Variants in DYNC2I1 observed in about 807,000 individuals in gnomAD.
DYNC2I1 encodes cytoplasmic dynein 2 intermediate chain 1.
Under a neutral mutation model 133.4 loss-of-function variants are expected in DYNC2I1, and 89 were observed. The observed-to-expected ratio is 0.67, with a 90% CI of 0.56 to 0.80. The LOEUF is 0.80. Ranked by LOEUF, DYNC2I1 falls within the 30% of genes least tolerant of loss-of-function variation. The pLI is 0.00. For missense variants in DYNC2I1, 1,291 were observed against 1,314.5 expected, an observed-to-expected ratio of 0.98 and a Z score of 0.28; for synonymous variants, 504 against 484.3, an observed-to-expected ratio of 1.04 and a Z score of -0.54.
chr7:158,861,738 A>T (rs1841885473), intron 1 of DYNC2I1, among the ~76,000 whole-genome samples: 2 of 152,212 alleles, frequency 1.3e-5, no homozygotes, highest in African/African-American at 4.8e-5. Context: ...TGTTAGAAGC[A>T]GCCTGTGTGG....
intron 7 of DYNC2I1, 88 bp from the exon 8 acceptor site, chr7:158,891,177 G>T (rs534025874): frequency 8.6e-5 from 126 of 1,460,248 alleles, no homozygotes; most frequent in Middle Eastern, 8.2e-4. Flanking sequence ...GGCGGGCTCC[G>T]CAGTGGTGGG....
rs35170585 is a variant in DYNC2I1 at position 158,875,091 on chromosome 7, C to CTTT, written c.491-1500_491-1498dup. On this transcript the variant is annotated intron_variant, in intron 3 of 24. Transcript: ENST00000407559. Reference sequence around the variant, plus strand: ...AGAGTGCTCAGTGCTTGGTAAATGCCTTTTTTTTTTTTTTTTTTTTCTGAG... The same window carrying CTTT: ...AGAGTGCTCAGTGCTTGGTAAATGCCTTTTTTTTTTTTTTTTTTTTTTTCTGAG... Among the ~76,000 whole-genome samples the CTTT allele has an allele frequency of 4.1e-3, 449 of 110,552 alleles. 21 individuals are homozygous for CTTT. The highest frequency in any genetic ancestry group is 0.031 in the East Asian group (113 of 3,668). The allele number at this position is 110,552 out of a possible 152,430, so 72.5% of individuals were successfully genotyped here.
chr7:158,914,991 G>GTAA (rs1363476394), intron 14 of DYNC2I1, among the ~76,000 whole-genome samples: 3 of 152,244 alleles, frequency 2.0e-5, no homozygotes, highest in Non-Finnish European at 4.4e-5. Context: ...TTTCTTGTAT[G>GTAA]TAAGCTCAGC....
At chr7:158,908,757 C>G (rs748362830) in intron 11 of DYNC2I1, among the ~76,000 whole-genome samples, 1 of 152,110 alleles carries the variant, frequency 6.6e-6, no homozygotes, top group South Asian at 2.1e-4. Flanking sequence ...GCTGGGCGGT[C>G]GGGAGCTGGA....
the DYNC2I1 span, among the ~76,000 whole-genome samples, chr7:158,851,340 C>T: frequency 6.6e-6 from 1 of 152,014 alleles, no homozygotes; most frequent in Non-Finnish European, 1.5e-5. Flanking sequence ...CAAGACCAGC[C>T]TGGGCAACAT....
chr7:158,860,110 C>T (rs1000191744), intron 1 of DYNC2I1, among the ~76,000 whole-genome samples: 2 of 150,730 alleles, frequency 1.3e-5, no homozygotes, highest in Admixed American at 6.6e-5. Flanking sequence ...GGCTGGAGTG[C>T]AGTGGTATGA....
intron 23 of DYNC2I1, among the ~76,000 whole-genome samples, chr7:158,941,087 T>TA (rs1228545701): frequency 6.6e-6 from 1 of 151,888 alleles, no homozygotes; most frequent in Non-Finnish European, 1.5e-5. Flanking sequence ...TTAGCTAGAA[T>TA]AACTAAGAAA....
chr7:158,857,039 G>T (rs1210473808), intron 1 of DYNC2I1, among the ~76,000 whole-genome samples: 1 of 152,122 alleles, frequency 6.6e-6, no homozygotes, highest in Non-Finnish European at 1.5e-5. Flanking sequence ...GCCCGGCCTG[G>T]AGGCGGCCTC....
rs200797739 is a variant in DYNC2I1 at position 158,941,928 on chromosome 7, G to A, written c.2782G>A (p.Gly928Ser). Residue 928 changes from glycine to serine, a missense_variant, in exon 24 of 25, where the codon GGC becomes AGC. By Grantham distance (56) the Gly-to-Ser change is moderately conservative. Transcript: ENST00000407559. ...SPFGEPIFLA[G>S]CSDGSIRLHQ... is the part of the protein sequence containing the mutation. The stretch of plus-strand genomic sequence containing the variant: ...TGTTCTTTCTTCCTGGTCATAGGCC[G>A]GCTGTTCGGACGGAAGCATCAGGCT... The A allele has an allele frequency of 1.9e-6, 3 of 1,600,526 alleles. No homozygotes were observed. The highest frequency in any genetic ancestry group is 4.5e-5 in the East Asian group (2 of 44,118).
intron 7 of DYNC2I1, 140 bp downstream of exon 7, chr7:158,887,215 A>C: frequency 2.5e-6 from 2 of 797,406 alleles, no homozygotes; most frequent in South Asian, 3.2e-5. Context: ...TGATCCCAGA[A>C]GGCACACTGG....
upstream of DYNC2I1, among the ~76,000 whole-genome samples, chr7:158,852,172 A>C (rs1446092675): frequency 1.3e-5 from 2 of 151,216 alleles, no homozygotes; most frequent in African/African-American, 4.9e-5. Context: ...TGTTGTCTGG[A>C]GTGCAGTGGT....
At chr7:158,897,076 T>A (rs1310860333) in intron 8 of DYNC2I1, among the ~76,000 whole-genome samples, 2 of 150,406 alleles carry the variant, frequency 1.3e-5, no homozygotes, top group Non-Finnish European at 3.0e-5. Flanking sequence ...CTCCACCTCC[T>A]GGGTTCAAGC....
chr7:158,857,232 A>G (rs1200297860), intron 1 of DYNC2I1, among the ~76,000 whole-genome samples: 1 of 152,220 alleles, frequency 6.6e-6, no homozygotes, highest in East Asian at 1.9e-4. Context: ...CTCACTTAAC[A>G]TGTCTTGTTT....
intron 23 of DYNC2I1, among the ~76,000 whole-genome samples, chr7:158,938,537 A>T (rs1851005943): frequency 1.3e-5 from 2 of 152,168 alleles, no homozygotes; most frequent in Admixed American, 1.3e-4. Context: ...CGGGTGGATC[A>T]GTTGAGGTCA....
intron 4 of DYNC2I1, among the ~76,000 whole-genome samples, chr7:158,952,435 G>A (rs1332118233): frequency 1.3e-5 from 2 of 152,150 alleles, no homozygotes; most frequent in African/African-American, 4.8e-5. Context: ...CCTAGGTCTG[G>A]GTTAGAGAAG....
downstream of DYNC2I1, among the ~76,000 whole-genome samples, chr7:158,950,023 G>A: frequency 6.6e-6 from 1 of 151,916 alleles, no homozygotes; most frequent in East Asian, 1.9e-4. Flanking sequence ...TGCCTGCCTC[G>A]GCCTCCCAAA....
chr7:158,881,611 T>G (rs1280348480), intron 5 of DYNC2I1, among the ~76,000 whole-genome samples: 8 of 151,878 alleles, frequency 5.3e-5, no homozygotes, highest in Non-Finnish European at 8.8e-5. Flanking sequence ...GTGCCACCAC[T>G]CCCGGCTAAT....
the DYNC2I1 span, among the ~76,000 whole-genome samples, chr7:158,847,707 T>C: frequency 6.6e-6 from 1 of 152,240 alleles, no homozygotes; most frequent in Admixed American, 6.5e-5. Context: ...GGATTGGGCC[T>C]TAACACTGGG....
chr7:158,846,343 TG>T, the DYNC2I1 span, among the ~76,000 whole-genome samples: 10 of 152,148 alleles, frequency 6.6e-5, no homozygotes, highest in Non-Finnish European at 1.5e-5. Context: ...GATATAAAGA[TG>T]ATTTTTTTTG....
Sources: allele counts gnomAD v4.1 joint callset (sites outside exome capture counted in the v4.1 genomes callset), GRCh38; gene constraint gnomAD v4.1.1; transcripts MANE v1.5; gene names NCBI Gene and HGNC (gene_info 2026-07-23, HGNC 2026-07-21).